The following XYLB variants were observed in gnomAD, a reference collection of about 807,000 sequenced individuals.
XYLB encodes xylulose kinase.
XYLB carries 62 observed loss-of-function variants against 78.7 expected under a neutral mutation model. The observed-to-expected ratio is 0.79, with a 90% CI of 0.64 to 0.97. The LOEUF is 0.97. Ranked by LOEUF, XYLB falls within the 50% of genes least tolerant of loss-of-function variation. XYLB has a pLI of 0.00. For missense variants in XYLB, 687 were observed against 676.8 expected (o/e 1.02, Z -0.17); for synonymous variants, 245 against 247.4 (o/e 0.99, Z 0.09).
the XYLB span, among the ~76,000 whole-genome samples, chr3:38,449,270 G>A: frequency 6.6e-6 from 1 of 152,060 alleles, no homozygotes; most frequent in Non-Finnish European, 1.5e-5. Flanking sequence ...CTACAGGTAT[G>A]TGCCACCATG....
chr3:38,424,461 T>C (rs1709061840), downstream of XYLB, among the ~76,000 whole-genome samples: 1 of 152,238 alleles, frequency 6.6e-6, no homozygotes, highest in Non-Finnish European at 1.5e-5. Context: ...ATAATCACTT[T>C]CCAAAGACAA....
At chr3:38,350,212 C>T (rs993891675) in intron 2 of XYLB, among the ~76,000 whole-genome samples, 1 of 152,192 alleles carries the variant, frequency 6.6e-6, no homozygotes, top group African/African-American at 2.4e-5. Flanking sequence ...TCTTTGCCCC[C>T]AGCTAATGCG....
At chr3:38,443,692 A>T in the XYLB span, among the ~76,000 whole-genome samples, 1 of 152,156 alleles carries the variant, frequency 6.6e-6, no homozygotes, top group African/African-American at 2.4e-5. Context: ...CTTTCTCCTG[A>T]TATCTGTGAC....
chr3:38,381,119 C>T (rs1489462358), intron 15 of XYLB, among the ~76,000 whole-genome samples: 4 of 152,152 alleles, frequency 2.6e-5, no homozygotes, highest in East Asian at 3.9e-4. Context: ...GGACCCCAAA[C>T]GGAGGGACTG....
the XYLB span, among the ~76,000 whole-genome samples, chr3:38,432,400 C>G: frequency 6.6e-6 from 1 of 152,074 alleles, no homozygotes; most frequent in Non-Finnish European, 1.5e-5. Context: ...AATCCCATCT[C>G]TACTAAAAAT....
In XYLB at chr3:38,395,668, G is replaced by A. The variant is rs2234624; in HGVS notation, c.1350+105G>A. 2,110 of 1,232,672 alleles carry A rather than the reference G, an allele frequency of 1.7e-3. 22 individuals carry two copies. In the African/African-American group the frequency reaches 0.021, roughly 12 times the overall value. The allele number at this position is 1,232,672 out of a possible 1,614,324, so 76.4% of individuals were successfully genotyped here. On this transcript the variant is annotated intron_variant, in intron 16 of 18. Transcript: ENST00000207870. ...ACAGCCTCCATTCCCACTCCTGCAG[G>A]AATGGGGAGCTCTTAGCTCACACTC...
intron 4 of XYLB, among the ~76,000 whole-genome samples, chr3:38,364,789 A>T (rs976523001): frequency 6.6e-6 from 1 of 152,168 alleles, no homozygotes; most frequent in Non-Finnish European, 1.5e-5. Context: ...ATAGGGATGA[A>T]AGTATCCTAT....
At chr3:38,356,278 T>C (rs973308509) in intron 2 of XYLB, 1 of 152,212 alleles carries the variant, frequency 6.6e-6, no homozygotes, top group Non-Finnish European at 1.5e-5. Flanking sequence ...AAAGAGAAAA[T>C]ACTGTTTCTA....
chr3:38,443,556 G>A, the XYLB span, among the ~76,000 whole-genome samples: 1 of 152,182 alleles, frequency 6.6e-6, no homozygotes, highest in Non-Finnish European at 1.5e-5. Context: ...CTAAGGCTGT[G>A]CCCTTTCTCT....
At chr3:38,437,005 AAATAATAATAATAATAATAAT>A in the XYLB span, among the ~76,000 whole-genome samples, 3 of 134,806 alleles carry the variant, frequency 2.2e-5, no homozygotes, top group East Asian at 2.1e-4. Context: ...CTCCTTCTAA[AAATAATAATAATAATAATAAT>A]AATAATAATA....
intron 14 of XYLB, 60 bp from the exon 15 acceptor site, chr3:38,379,186 T>A: frequency 6.5e-7 from 1 of 1,532,698 alleles, no homozygotes; most frequent in Admixed American, 1.7e-5. Context: ...GACACACACA[T>A]ACACACACGA....
chr3:38,366,961 T>A, intron 7 of XYLB, 88 bp downstream of exon 7: 1 of 865,186 alleles, frequency 1.2e-6, no homozygotes. Context: ...GTGCAGTGAC[T>A]GAAAACATTG....
rs377326809 is a variant in XYLB at position 38,347,154 on chromosome 3, C to A, written c.57+229C>A. On this transcript the variant is annotated intron_variant, in intron 1 of 18. Coordinates refer to ENST00000207870, the MANE Select transcript of XYLB (RefSeq NM_005108.4). Reference sequence around the variant, plus strand: ...ACCCGCTCGCAAGATGCGGCCTCGACCCCGCCTGGACCCAGCTACCCCAGG... The same window carrying A: ...ACCCGCTCGCAAGATGCGGCCTCGAACCCGCCTGGACCCAGCTACCCCAGG... Among the ~76,000 whole-genome samples the A allele has an allele frequency of 1.6e-4, 24 of 152,326 alleles. No homozygotes were observed. In the East Asian group the frequency reaches 2.5e-3, roughly 16 times the overall value.
chr3:38,423,547 C>T (rs970259318), downstream of XYLB, among the ~76,000 whole-genome samples: 1 of 152,178 alleles, frequency 6.6e-6, no homozygotes, highest in African/African-American at 2.4e-5. Flanking sequence ...TCTTTATTAT[C>T]CCCTTAGCTG....
intron 15 of XYLB, 137 bp from the exon 16 acceptor site, chr3:38,395,368 C>G: frequency 1.3e-6 from 1 of 764,314 alleles, no homozygotes; most frequent in Non-Finnish European, 2.2e-6. Flanking sequence ...CTTTGGATCT[C>G]TCCCGTAGTC....
At chr3:38,391,061 A>G (rs943554961) in intron 15 of XYLB, among the ~76,000 whole-genome samples, 1 of 152,084 alleles carries the variant, frequency 6.6e-6, no homozygotes, top group Non-Finnish European at 1.5e-5. Context: ...CTCTACTGAA[A>G]ACACAAAATT....
At chr3:38,349,588 T>C (rs1705247120) in intron 2 of XYLB, among the ~76,000 whole-genome samples, 1 of 152,218 alleles carries the variant, frequency 6.6e-6, no homozygotes, top group Non-Finnish European at 1.5e-5. Context: ...GTGGGATTTC[T>C]GGCTGTCCTT....
rs540334547 is a variant in XYLB, at chr3:38,409,640, A to T, written c.1534-3296A>T. Among the ~76,000 whole-genome samples, 6 of 152,340 alleles carry T rather than the reference A, an allele frequency of 3.9e-5. No homozygotes were observed. The East Asian group carries it at 1.2e-3, about 29-fold the overall frequency. ...CATGATTGTATATCTAGAAAACCCC[A>T]TTTTCTCAGCACAAAATCTCCTAAA... On this transcript the variant is annotated intron_variant, in intron 18 of 18. Coordinates refer to ENST00000207870, the MANE Select transcript of XYLB (RefSeq NM_005108.4).
At position 38,348,488 on chromosome 3, in the gene XYLB, C is replaced by G. The variant is rs187239405; in HGVS notation, c.58-62C>G. ...GGGCCTCATCTGGTGACGTTAGTAC[C>G]CCCTGGACCAGTGTAGAAGCTGAGG... On this transcript the variant is annotated intron_variant, in intron 1 of 18. Coordinates refer to ENST00000207870, the MANE Select transcript of XYLB (RefSeq NM_005108.4). 35 of 1,531,528 alleles carry G rather than the reference C, an allele frequency of 2.3e-5. No individual in the cohort carries two copies. The East Asian group carries it at 7.9e-4, about 34-fold the overall frequency. 94.9% of individuals were successfully genotyped at this position (1,531,528 alleles called of 1,614,324 possible).
Sources: allele counts gnomAD v4.1 joint callset (sites outside exome capture counted in the v4.1 genomes callset), GRCh38; gene constraint gnomAD v4.1.1; transcripts MANE v1.5; gene names NCBI Gene and HGNC (gene_info 2026-07-23, HGNC 2026-07-21).